MARCHF3: variants seen among roughly 807,000 people sequenced by gnomAD.
The protein encoded by MARCHF3 is membrane associated ring-CH-type finger 3.
Under a neutral mutation model 24.2 loss-of-function variants are expected in MARCHF3, and 13 were observed. That is an observed-to-expected ratio of 0.54 (90% CI 0.35 to 0.85). The LOEUF (loss-of-function observed/expected upper bound fraction) is 0.85. Ranked by LOEUF, MARCHF3 falls within the 40% of genes least tolerant of loss-of-function variation. The pLI, the probability that MARCHF3 is intolerant of heterozygous loss-of-function variation, is 0.01. For synonymous variants in MARCHF3, 144 were observed against 137.3 expected (o/e 1.05, Z -0.34); for missense variants, 276 against 325.0 (o/e 0.85, Z 1.16).
intron 3 of MARCHF3, among the ~76,000 whole-genome samples, chr5:126,909,562 G>C (rs888875199): frequency 8.5e-5 from 13 of 152,314 alleles, no homozygotes; most frequent in Admixed American, 5.9e-4. Flanking sequence ...CGCAGTATTC[G>C]GGTGGGAGTG....
intron 1 of MARCHF3, among the ~76,000 whole-genome samples, chr5:127,001,172 A>C (rs1038531997): frequency 6.6e-6 from 1 of 150,800 alleles, no homozygotes; most frequent in Non-Finnish European, 1.5e-5. Context: ...TGGGAGATGG[A>C]GGTTGCAGTG....
intron 1 of MARCHF3, among the ~76,000 whole-genome samples, chr5:126,976,060 T>C (rs1255316008): frequency 1.3e-5 from 2 of 152,228 alleles, no homozygotes; most frequent in East Asian, 1.9e-4. Flanking sequence ...ACTGTCTTTT[T>C]TTCCTACTTA....
At chr5:126,962,082 G>A (rs1267798142) in intron 1 of MARCHF3, among the ~76,000 whole-genome samples, 1 of 152,118 alleles carries the variant, frequency 6.6e-6, no homozygotes, top group Non-Finnish European at 1.5e-5. Flanking sequence ...TACAGAGTTA[G>A]GGAGGAAGCA....
chr5:126,871,606 T>C (rs1258775418), intron 4 of MARCHF3, among the ~76,000 whole-genome samples: 1 of 152,216 alleles, frequency 6.6e-6, no homozygotes, highest in African/African-American at 2.4e-5. Context: ...TTACAATGTC[T>C]TGCACTTAGG....
intron 3 of MARCHF3, among the ~76,000 whole-genome samples, chr5:126,881,012 T>C (rs1461625787): frequency 2.0e-5 from 3 of 152,120 alleles, no homozygotes; most frequent in Admixed American, 6.6e-5. Flanking sequence ...GACTTAGATA[T>C]GGAAGGAGGG....
At position 126,944,058 on chromosome 5, in the gene MARCHF3, C is replaced by T. The variant is rs867747532; in HGVS notation, c.-56-25831G>A. ...AACTCCTGACCTCATGATCCACCCA[C>T]CCTGGCCTCCCAAAGTGCTGGGATT... On this transcript the variant is annotated intron_variant, in intron 1 of 4. Transcript: ENST00000308660. Among the ~76,000 whole-genome samples, 40 of 152,146 alleles carry T rather than the reference C, an allele frequency of 2.6e-4. No homozygotes were observed. In the Middle Eastern group the frequency reaches 0.01, roughly 39 times the overall value.
chr5:126,995,679 A>C (rs1199768562), intron 1 of MARCHF3, among the ~76,000 whole-genome samples: 5 of 152,222 alleles, frequency 3.3e-5, no homozygotes, highest in Admixed American at 3.3e-4. Context: ...ACCATTATGT[A>C]CTGTCTCCAC....
chr5:126,948,194 T>C (rs949279242), intron 1 of MARCHF3, among the ~76,000 whole-genome samples: 2 of 152,168 alleles, frequency 1.3e-5, no homozygotes, highest in African/African-American at 4.8e-5. Flanking sequence ...CCAGTTTTCT[T>C]AATCAGTCTG....
At chr5:126,888,169 C>A (rs1304956424) in intron 3 of MARCHF3, among the ~76,000 whole-genome samples, 2 of 152,210 alleles carry the variant, frequency 1.3e-5, no homozygotes, top group Non-Finnish European at 2.9e-5. Flanking sequence ...TGCTTGGACT[C>A]TTCCCATTAA....
intron 2 of MARCHF3, among the ~76,000 whole-genome samples, chr5:126,916,336 G>C (rs1754730128): frequency 6.6e-6 from 1 of 152,118 alleles, no homozygotes; most frequent in African/African-American, 2.4e-5. Flanking sequence ...TTGCCTCTCT[G>C]TATGCCTCCC....
At chr5:126,972,370 A>G (rs1278619009) in intron 1 of MARCHF3, among the ~76,000 whole-genome samples, 18 of 152,168 alleles carry the variant, frequency 1.2e-4, no homozygotes, top group Non-Finnish European at 1.9e-4. Context: ...GTAGGGGCAA[A>G]GTATCTGTTC....
chr5:126,983,081 G>C (rs60138815), intron 1 of MARCHF3, among the ~76,000 whole-genome samples: 7,837 of 152,232 alleles, frequency 0.051, 375 homozygotes, highest in South Asian at 0.14. Flanking sequence ...GGTCAGCTGT[G>C]CACTCCTCTG....
intron 3 of MARCHF3, among the ~76,000 whole-genome samples, chr5:126,893,156 T>C (rs1472771926): frequency 6.6e-6 from 1 of 152,124 alleles, no homozygotes; most frequent in African/African-American, 2.4e-5. Flanking sequence ...CATTTTTTAT[T>C]GCATCTATTC....
intron 1 of MARCHF3, among the ~76,000 whole-genome samples, chr5:127,029,615 TCAAA>T (rs1316410063): frequency 3.3e-5 from 5 of 152,072 alleles, no homozygotes; most frequent in Non-Finnish European, 7.4e-5. Context: ...ACGCAGGTGC[TCAAA>T]CAAACACCAA....
chr5:126,870,610 A>C lies in MARCHF3; in HGVS notation c.*23T>G, dbSNP rs534492781. 267 of 1,513,554 alleles carry C rather than the reference A, an allele frequency of 1.8e-4. No homozygotes were observed. The highest frequency in any genetic ancestry group is 3.0e-4 in the African/African-American group (13 of 43,962). 93.8% of individuals were successfully genotyped at this position (1,513,554 alleles called of 1,614,324 possible). On this transcript the variant is annotated 3_prime_UTR_variant, in exon 5 of 5. Coordinates refer to ENST00000308660, the MANE Select transcript of MARCHF3 (RefSeq NM_178450.5). Reference sequence around the variant, plus strand: ...TTCCAAACCCCAAACAATGAATCAAACAACCAACCAACCATACAAACATCA... The same window carrying C: ...TTCCAAACCCCAAACAATGAATCAACCAACCAACCAACCATACAAACATCA...
chr5:126,918,299 C>T, intron 1 of MARCHF3, 72 bp from the exon 2 acceptor site: 1 of 861,732 alleles, frequency 1.2e-6, no homozygotes, highest in Non-Finnish European at 1.7e-6. Context: ...GGGCCACCAA[C>T]ATCATCATCA....
At chr5:126,897,789 G>C (rs552002673) in intron 3 of MARCHF3, among the ~76,000 whole-genome samples, 1 of 152,050 alleles carries the variant, frequency 6.6e-6, no homozygotes, top group Non-Finnish European at 1.5e-5. Flanking sequence ...ATAATTACTA[G>C]TAGTAGTAGC....
chr5:126,906,411 C>G (rs1384739018), intron 3 of MARCHF3, among the ~76,000 whole-genome samples: 2 of 152,150 alleles, frequency 1.3e-5, no homozygotes, highest in African/African-American at 4.8e-5. Context: ...CCTCCTTGTA[C>G]CTCTGGTAGA....
intron 2 of MARCHF3, among the ~76,000 whole-genome samples, chr5:126,916,910 C>T (rs977894603): frequency 6.6e-6 from 1 of 152,176 alleles, no homozygotes; most frequent in African/African-American, 2.4e-5. Context: ...AAAAGTTCTC[C>T]AAGAGTCAGA....
Sources: allele counts gnomAD v4.1 joint callset (sites outside exome capture counted in the v4.1 genomes callset), GRCh38; gene constraint gnomAD v4.1.1; transcripts MANE v1.5; gene names NCBI Gene and HGNC (gene_info 2026-07-23, HGNC 2026-07-21).